XRCC6: variants seen among roughly 807,000 people sequenced by gnomAD.
XRCC6 encodes the protein DNA repair protein Ku70.
XRCC6 carries 5 observed loss-of-function variants against 65.7 expected under a neutral mutation model. The ratio of observed to expected loss-of-function variants is 0.08; its 90% CI spans 0.04 to 0.16. The LOEUF is 0.16. XRCC6 is among the 10% of genes least tolerant of loss of function. The pLI is 1.00. For synonymous variants in XRCC6, 270 were observed against 270.6 expected, an observed-to-expected ratio of 1.00 and a Z score of 0.02; for missense variants, 447 against 738.1, an observed-to-expected ratio of 0.61 and a Z score of 4.57.
chr22:41,649,441 A>T (rs986043100), intron 7 of XRCC6, among the ~76,000 whole-genome samples: 3 of 151,442 alleles, frequency 2.0e-5, no homozygotes, highest in African/African-American at 7.3e-5. Flanking sequence ...CTCACAAAGT[A>T]TTGGGATTAC....
At chr22:41,635,280 T>G (rs1242665301) in intron 3 of XRCC6, among the ~76,000 whole-genome samples, 1 of 152,224 alleles carries the variant, frequency 6.6e-6, no homozygotes, top group Non-Finnish European at 1.5e-5. Context: ...TTTTGCTTTT[T>G]GAAACGGGAA....
rs547144964 is a variant in XRCC6 at position 41,647,172 on chromosome 22, C to T, written c.960+90C>T. The T allele has an allele frequency of 2.6e-5, 37 of 1,415,918 alleles. No homozygotes were observed. The African/African-American group carries it at 3.1e-4, about 12-fold the overall frequency. The allele number at this position is 1,415,918 out of a possible 1,614,324, so 87.7% of individuals were successfully genotyped here. On this transcript the variant is annotated intron_variant, in intron 7 of 12. Transcript: ENST00000360079. The stretch of plus-strand genomic sequence containing the variant: ...GGAGTGCAGTGGGGCGAACATGACT[C>T]GCTACAGCCTTGACCTCCTGGACTC...
intron 8 of XRCC6, 109 bp from the exon 9 acceptor site, chr22:41,653,415 TAATAA>T (rs776800010): frequency 2.0e-6 from 2 of 1,008,740 alleles, no homozygotes; most frequent in Non-Finnish European, 2.9e-6. Flanking sequence ...AATAAATAAA[TAATAA>T]AATTAAAATA....
intron 11 of XRCC6, 132 bp downstream of exon 11, chr22:41,658,484 G>A: frequency 1.2e-6 from 1 of 846,444 alleles, no homozygotes; most frequent in Non-Finnish European, 1.9e-6. Context: ...CCCTCTGTTT[G>A]GAAGCTTTTC....
chr22:41,661,975 C>T (rs998135219), intron 12 of XRCC6, among the ~76,000 whole-genome samples: 1 of 152,142 alleles, frequency 6.6e-6, no homozygotes, highest in South Asian at 2.1e-4. Context: ...CTCAGAAAGA[C>T]AGACATTTAC....
At chr22:41,649,046 G>C (rs536719630) in intron 7 of XRCC6, among the ~76,000 whole-genome samples, 3 of 149,952 alleles carry the variant, frequency 2.0e-5, no homozygotes, top group Non-Finnish European at 3.0e-5. Context: ...ATCAGCCTGG[G>C]CATCATAGCG....
chr22:41,658,156 T>C (rs2068062463), intron 10 of XRCC6, 96 bp from the exon 11 acceptor site: 2 of 1,249,088 alleles, frequency 1.6e-6, no homozygotes, highest in African/African-American at 3.0e-5. Context: ...TTTTCTCAGC[T>C]CACCCCGGAC....
intron 3 of XRCC6, among the ~76,000 whole-genome samples, chr22:41,628,985 A>C (rs1005164314): frequency 6.6e-6 from 1 of 151,486 alleles, no homozygotes; most frequent in Non-Finnish European, 1.5e-5. Flanking sequence ...AAAAAAAAAA[A>C]AAAACAATTC....
intron 5 of XRCC6, among the ~76,000 whole-genome samples, 156 bp downstream of exon 5, chr22:41,636,926 T>C (rs1257403878): frequency 6.6e-6 from 1 of 152,102 alleles, no homozygotes; most frequent in African/African-American, 2.4e-5. Context: ...TTTTATTGCT[T>C]TCTGTGTACC....
intron 3 of XRCC6, among the ~76,000 whole-genome samples, chr22:41,634,709 T>G (rs1569084540): frequency 6.6e-6 from 1 of 152,056 alleles, no homozygotes; most frequent in East Asian, 1.9e-4. Flanking sequence ...CACATCCAAC[T>G]AATTTTTGTA....
At chr22:41,645,435 A>T (rs1242278943) in intron 6 of XRCC6, among the ~76,000 whole-genome samples, 2 of 152,116 alleles carry the variant, frequency 1.3e-5, no homozygotes. Context: ...GGGTGCCATT[A>T]TGAGAAGAAA....
At chr22:41,651,042 A>T in intron 8 of XRCC6, 151 bp downstream of exon 8, 7 of 1,101,388 alleles carry the variant, frequency 6.4e-6, no homozygotes, top group Non-Finnish European at 8.9e-6. Flanking sequence ...GCAGTGGCTC[A>T]CACCTGTAAT....
intron 8 of XRCC6, among the ~76,000 whole-genome samples, chr22:41,652,774 A>G (rs2068013158): frequency 6.6e-6 from 1 of 152,130 alleles, no homozygotes; most frequent in Admixed American, 6.5e-5. Context: ...CCTGAATTCA[A>G]GCGATTCTTC....
In XRCC6 at chr22:41,654,329, C is replaced by T. The variant is rs150330478; in HGVS notation, c.1291+639C>T. The stretch of plus-strand genomic sequence containing the variant: ...TTACTGTAGTTTTAACTTTGATCCT[C>T]AGCATGCTCAGGAGTGCTCAGTTAC... On this transcript the variant is annotated intron_variant, in intron 9 of 12. Transcript: ENST00000360079. Among the ~76,000 whole-genome samples the T allele has an allele frequency of 7.4e-3, 1,133 of 152,294 alleles. 6 individuals carry two copies. The highest frequency in any genetic ancestry group is 0.054 in the Middle Eastern group (16 of 294).
chr22:41,652,366 T>C (rs78748612), intron 8 of XRCC6, among the ~76,000 whole-genome samples: 2 of 141,306 alleles, frequency 1.4e-5, no homozygotes, highest in African/African-American at 2.6e-5. Flanking sequence ...AATAATTTGC[T>C]TTTTTTTTTT....
At chr22:41,626,523 C>G (rs185699902) in intron 2 of XRCC6, among the ~76,000 whole-genome samples, 2 of 152,064 alleles carry the variant, frequency 1.3e-5, no homozygotes, top group Non-Finnish European at 1.5e-5. Flanking sequence ...GGTGTGATCT[C>G]TGCTCCCTGC....
intron 2 of XRCC6, among the ~76,000 whole-genome samples, chr22:41,626,246 G>T (rs1304000570): frequency 2.0e-5 from 3 of 151,164 alleles, no homozygotes; most frequent in African/African-American, 7.3e-5. Flanking sequence ...AGATTCAAGC[G>T]ATTCTCCCAC....
intron 2 of XRCC6, among the ~76,000 whole-genome samples, chr22:41,627,561 A>G (rs1240501331): frequency 7.1e-6 from 1 of 141,814 alleles, no homozygotes; most frequent in East Asian, 2.2e-4. Flanking sequence ...TAGTAAGCCG[A>G]GATTGTGCCA....
chr22:41,636,359 G>A, intron 4 of XRCC6, 108 bp downstream of exon 4: 1 of 1,480,084 alleles, frequency 6.8e-7, no homozygotes, highest in South Asian at 1.4e-5. Context: ...CTAGGAGTAT[G>A]CTTTCCTCCA....
Sources: allele counts gnomAD v4.1 joint callset (sites outside exome capture counted in the v4.1 genomes callset), GRCh38; gene constraint gnomAD v4.1.1; transcripts MANE v1.5; gene names NCBI Gene and HGNC (gene_info 2026-07-23, HGNC 2026-07-21).